Variants in PARD6G observed in about 807,000 individuals in gnomAD.
The protein encoded by PARD6G is par-6 family cell polarity regulator gamma.
In PARD6G, 7 loss-of-function variants were observed where a neutral mutation model predicts 10.7. The ratio of observed to expected loss-of-function variants is 0.66; its 90% CI spans 0.37 to 1.23. The LOEUF (loss-of-function observed/expected upper bound fraction) is 1.23. Ranked by LOEUF, PARD6G falls within the 50% of genes most tolerant of loss-of-function variation. PARD6G has a pLI of 0.02. For missense variants in PARD6G, 548 were observed against 571.8 expected (o/e 0.96, Z 0.42); for synonymous variants, 287 against 269.4 (o/e 1.07, Z -0.64).
intron 1 of PARD6G, among the ~76,000 whole-genome samples, chr18:80,223,573 A>G: frequency 6.6e-6 from 1 of 152,222 alleles, no homozygotes; most frequent in East Asian, 1.9e-4. Context: ...TAACATGCTG[A>G]TAAGAACGTG....
At chr18:80,168,056 G>A (rs2052748316) in intron 2 of PARD6G, among the ~76,000 whole-genome samples, 1 of 152,274 alleles carries the variant, frequency 6.6e-6, no homozygotes, top group African/African-American at 2.4e-5. Flanking sequence ...GGTTCTTCCT[G>A]AACTCTTGAA....
At chr18:80,239,626 G>A (rs527285144) in intron 1 of PARD6G, among the ~76,000 whole-genome samples, 94 of 152,348 alleles carry the variant, frequency 6.2e-4, no homozygotes, top group African/African-American at 2.1e-3. Flanking sequence ...GCAACAAGCA[G>A]GTTCCTGGCC....
Position 80,196,890 on chromosome 18 carries a change from T to TA in PARD6G, c.295+5819dup, listed in dbSNP as rs572719232. On this transcript the variant is annotated intron_variant, in intron 2 of 2. Transcript: ENST00000353265. Reference sequence around the variant, plus strand: ...GGAGTGGGAGACTTTTTTCTTTTATTAAAAAAAAAAAAAAAAAAAAAAAAA... The same window carrying TA: ...GGAGTGGGAGACTTTTTTCTTTTATTAAAAAAAAAAAAAAAAAAAAAAAAAA... Among the ~76,000 whole-genome samples the TA allele has an allele frequency of 3.0e-3, 261 of 88,018 alleles. 1 individual carries two copies. The highest frequency in any genetic ancestry group is 0.019 in the Middle Eastern group (2 of 108). The allele number at this position is 88,018 out of a possible 152,430, so 57.7% of individuals were successfully genotyped here.
At position 80,159,160 on chromosome 18, in the gene PARD6G, T is replaced by A. The variant is rs2052676593; in HGVS notation, c.*611A>T. On this transcript the variant is annotated 3_prime_UTR_variant, in exon 3 of 3. Transcript: ENST00000353265. Reference sequence around the variant, plus strand: ...GCCTGCCACCACACCTGGCTAATTTTTATATTTTTAGTAGAGACAGGGTTT... The same window carrying A: ...GCCTGCCACCACACCTGGCTAATTTATATATTTTTAGTAGAGACAGGGTTT... 6.6e-6 allele frequency: 1 copy of A among 152,048 alleles called. No individual in the cohort carries two copies. The highest frequency in any genetic ancestry group is 2.4e-5 in the African/African-American group (1 of 41,384). 9.4% of individuals were successfully genotyped at this position (152,048 alleles called of 1,614,324 possible).
At chr18:80,204,686 C>CTT (rs1967039081) in intron 1 of PARD6G, among the ~76,000 whole-genome samples, 1 of 151,906 alleles carries the variant, frequency 6.6e-6, no homozygotes, top group Non-Finnish European at 1.5e-5. Context: ...TGGTGGCTCA[C>CTT]GCCTGTAATC....
intron 2 of PARD6G, among the ~76,000 whole-genome samples, chr18:80,177,524 A>G (rs1444480594): frequency 6.7e-6 from 1 of 150,086 alleles, no homozygotes; most frequent in African/African-American, 2.5e-5. Context: ...GCATACGTGC[A>G]CACACATGCA....
intron 1 of PARD6G, among the ~76,000 whole-genome samples, chr18:80,218,522 C>A (rs890088583): frequency 2.0e-5 from 3 of 152,150 alleles, no homozygotes; most frequent in Non-Finnish European, 2.9e-5. Flanking sequence ...CAGCTCTGCC[C>A]CTGTGGCTTT....
At chr18:80,173,917 G>A (rs1233635634) in intron 2 of PARD6G, among the ~76,000 whole-genome samples, 5 of 152,146 alleles carry the variant, frequency 3.3e-5, no homozygotes, top group Non-Finnish European at 5.9e-5. Context: ...CAGTTTCCAG[G>A]TCACAACAGG....
Position 80,159,534 on chromosome 18 carries a change from C to T in PARD6G, c.*237G>A, listed in dbSNP as rs2052680117. 3.9e-6 allele frequency: 2 copies of T among 514,646 alleles called. No homozygotes were observed. Among genetic ancestry groups the T allele is most frequent in the Middle Eastern group, 5.6e-4 (1 of 1,778 alleles). The allele number at this position is 514,646 out of a possible 1,614,324, so 31.9% of individuals were successfully genotyped here. ...TCTTTTCTATCACTTTGCAAAGGCG[C>T]CAAGACCTGCACTCAGGCCTGGTAT... On this transcript the variant is annotated 3_prime_UTR_variant, in exon 3 of 3. Coordinates refer to ENST00000353265, the MANE Select transcript of PARD6G (RefSeq NM_032510.4).
intron 1 of PARD6G, among the ~76,000 whole-genome samples, chr18:80,217,582 C>T (rs1239816796): frequency 6.6e-6 from 1 of 152,122 alleles, no homozygotes; most frequent in Non-Finnish European, 1.5e-5. Context: ...CTTCTTCCCC[C>T]AAACCCATAA....
chr18:80,215,441 T>C (rs1967154256), intron 1 of PARD6G, among the ~76,000 whole-genome samples: 1 of 152,182 alleles, frequency 6.6e-6, no homozygotes, highest in Non-Finnish European at 1.5e-5. Flanking sequence ...TATAAAAATG[T>C]TTTGACAATG....
intron 2 of PARD6G, among the ~76,000 whole-genome samples, chr18:80,190,171 C>T (rs1381745933): frequency 6.6e-6 from 1 of 152,134 alleles, no homozygotes; most frequent in Non-Finnish European, 1.5e-5. Context: ...ACCATTCTAC[C>T]CCATGTTTTC....
intron 1 of PARD6G, among the ~76,000 whole-genome samples, chr18:80,207,783 A>G (rs1159332983): frequency 6.6e-6 from 1 of 152,200 alleles, no homozygotes; most frequent in Admixed American, 6.5e-5. Context: ...ACCACAAGAG[A>G]AAAATATTTG....
At chr18:80,216,359 C>T (rs775302525) in intron 1 of PARD6G, among the ~76,000 whole-genome samples, 4 of 152,056 alleles carry the variant, frequency 2.6e-5, no homozygotes, top group Non-Finnish European at 5.9e-5. Context: ...CTAGGATAGA[C>T]CATACTTAGG....
rs566127201 is a variant in PARD6G, at chr18:80,241,007, T to C, written c.72+6270A>G. 1.4e-4 allele frequency among the ~76,000 whole-genome samples: 21 copies of C among 152,294 alleles called. 1 individual carries two copies. In the South Asian group the frequency reaches 2.3e-3, roughly 17 times the overall value. ...TGGATAAGATCAGACTCTGAAAGAA[T>C]AGCTACTGAATAGAGGACTTCCCGT... On this transcript the variant is annotated intron_variant, in intron 1 of 2. Coordinates refer to ENST00000353265, the MANE Select transcript of PARD6G (RefSeq NM_032510.4).
intron 2 of PARD6G, among the ~76,000 whole-genome samples, chr18:80,186,153 T>C (rs2052875529): frequency 8.6e-6 from 1 of 116,764 alleles, no homozygotes. Context: ...CACGCGGGCT[T>C]GCACACCCTC....
intron 1 of PARD6G, among the ~76,000 whole-genome samples, chr18:80,212,433 T>C (rs2145287837): frequency 6.6e-6 from 1 of 152,340 alleles, no homozygotes; most frequent in East Asian, 1.9e-4. Flanking sequence ...TGCTGCAGTA[T>C]GAAAGTGCCG....
chr18:80,173,433 C>T (rs746341862), intron 2 of PARD6G, among the ~76,000 whole-genome samples: 9 of 152,034 alleles, frequency 5.9e-5, no homozygotes, highest in Non-Finnish European at 1.2e-4. Flanking sequence ...GAGAGCAGCT[C>T]GGCCAACATG....
At chr18:80,236,214 C>T (rs1277187313) in intron 1 of PARD6G, among the ~76,000 whole-genome samples, 4 of 152,146 alleles carry the variant, frequency 2.6e-5, no homozygotes, top group Non-Finnish European at 5.9e-5. Flanking sequence ...AATCAATAAA[C>T]GTAATCCAGC....
Sources: allele counts gnomAD v4.1 joint callset (sites outside exome capture counted in the v4.1 genomes callset), GRCh38; gene constraint gnomAD v4.1.1; transcripts MANE v1.5; gene names NCBI Gene and HGNC (gene_info 2026-07-23, HGNC 2026-07-21).